AUH: variants seen among roughly 807,000 people sequenced by gnomAD.
AUH encodes AU RNA binding methylglutaconyl-CoA hydratase, also known as methylglutaconyl-CoA hydratase, mitochondrial.
Under a neutral mutation model 42.3 loss-of-function variants are expected in AUH, and 29 were observed. The ratio of observed to expected loss-of-function variants is 0.69; its 90% CI spans 0.51 to 0.93. AUH has a LOEUF of 0.93. AUH is among the 40% of genes least tolerant of loss of function. The probability of loss-of-function intolerance (pLI) is 0.00; values close to 1 mark genes in which losing one functional copy is unlikely to be tolerated. For synonymous variants in AUH, 174 were observed against 166.4 expected (o/e 1.05, Z -0.35); for missense variants, 452 against 438.1 (o/e 1.03, Z -0.28).
At chr9:91,264,417 A>G (rs1829861129) in intron 6 of AUH, among the ~76,000 whole-genome samples, 1 of 152,122 alleles carries the variant, frequency 6.6e-6, no homozygotes, top group Non-Finnish European at 1.5e-5. Context: ...CAAGTTGTCA[A>G]CCATTGTTTT....
chr9:91,262,653 C>A (rs1829762746), intron 6 of AUH, among the ~76,000 whole-genome samples: 1 of 152,144 alleles, frequency 6.6e-6, no homozygotes, highest in Non-Finnish European at 1.5e-5. Flanking sequence ...ACTGACACAT[C>A]CATTACGGTA....
intron 6 of AUH, among the ~76,000 whole-genome samples, chr9:91,224,218 T>C (rs537679467): frequency 4.1e-4 from 62 of 152,322 alleles, no homozygotes; most frequent in African/African-American, 1.4e-3. Flanking sequence ...GCTGAGCGCC[T>C]AAGTTTTCAT....
intron 4 of AUH, among the ~76,000 whole-genome samples, chr9:91,305,634 C>T (rs150501563): frequency 7.3e-4 from 111 of 152,188 alleles, no homozygotes; most frequent in African/African-American, 1.9e-3. Context: ...TCTATATATA[C>T]GCTTATGTAT....
chr9:91,224,946 T>C (rs567295296), intron 6 of AUH, among the ~76,000 whole-genome samples: 22 of 152,330 alleles, frequency 1.4e-4, no homozygotes, highest in African/African-American at 4.6e-4. Flanking sequence ...CAAAGAACTT[T>C]ACAAATGGAA....
chr9:91,342,368 C>T (rs1250014164), intron 3 of AUH, among the ~76,000 whole-genome samples: 4 of 152,116 alleles, frequency 2.6e-5, no homozygotes, highest in East Asian at 1.9e-4. Context: ...ATCTCCCCAT[C>T]GTAAGATCTT....
At chr9:91,256,087 T>C (rs1033965776) in intron 6 of AUH, among the ~76,000 whole-genome samples, 10 of 152,302 alleles carry the variant, frequency 6.6e-5, no homozygotes, top group African/African-American at 2.2e-4. Context: ...TTGTAATATA[T>C]GGAAGTACTT....
In AUH at chr9:91,355,983, A is replaced by G. The variant is rs1289519729; in HGVS notation, c.331-13T>C. The stretch of plus-strand genomic sequence containing the variant: ...CAGCTTTTGATAGCTAAACAGAAAT[A>G]GGAAGCATAGGAGGAAAAAGAGAAA... On this transcript the variant is annotated splice_polypyrimidine_tract_variant and intron_variant, in intron 2 of 9. Transcript: ENST00000375731. 1 of 1,607,074 alleles carries G rather than the reference A, an allele frequency of 6.2e-7. No individual in the cohort carries two copies. The highest frequency in any genetic ancestry group is 8.5e-7 in the Non-Finnish European group (1 of 1,174,038).
intron 6 of AUH, among the ~76,000 whole-genome samples, chr9:91,275,122 T>C (rs1825439441): frequency 6.6e-6 from 1 of 152,214 alleles, no homozygotes; most frequent in Non-Finnish European, 1.5e-5. Context: ...CTTCTACATG[T>C]ATTCATTCCT....
At chr9:91,245,323 T>G (rs1828736056) in intron 6 of AUH, among the ~76,000 whole-genome samples, 1 of 152,152 alleles carries the variant, frequency 6.6e-6, no homozygotes, top group African/African-American at 2.4e-5. Flanking sequence ...CCTCTTCCCA[T>G]GAGAAGACAA....
At chr9:91,278,247 C>G (rs570592822) in intron 6 of AUH, among the ~76,000 whole-genome samples, 22 of 152,216 alleles carry the variant, frequency 1.4e-4, no homozygotes, top group African/African-American at 4.6e-4. Context: ...GAAAAAATAA[C>G]GGGGAAAGCA....
intron 3 of AUH, among the ~76,000 whole-genome samples, chr9:91,332,827 G>C (rs1233382472): frequency 6.6e-6 from 1 of 152,170 alleles, no homozygotes; most frequent in Non-Finnish European, 1.5e-5. Flanking sequence ...ACAAAAAATG[G>C]GGGCGTGAGC....
At chr9:91,303,504 G>T (rs1827971227) in intron 4 of AUH, among the ~76,000 whole-genome samples, 1 of 152,104 alleles carries the variant, frequency 6.6e-6, no homozygotes, top group Non-Finnish European at 1.5e-5. Flanking sequence ...CTAATTTTTT[G>T]TGTTTTTAGT....
chr9:91,315,019 G>C (rs1452465813), intron 4 of AUH, among the ~76,000 whole-genome samples: 1 of 152,200 alleles, frequency 6.6e-6, no homozygotes, highest in Non-Finnish European at 1.5e-5. Context: ...CGCCTCCCAG[G>C]TTCAAACGAT....
rs1828653598 is a variant in AUH, at chr9:91,243,928, T to G, written c.656-22936A>C. On this transcript the variant is annotated intron_variant, in intron 6 of 9. Transcript: ENST00000375731. Reference sequence around the variant, plus strand: ...TAGAAGATTTTGTTATTTAACGAACTAGTCAACAACTGTTTCATATTAAGA... The same window carrying G: ...TAGAAGATTTTGTTATTTAACGAACGAGTCAACAACTGTTTCATATTAAGA... Among the ~76,000 whole-genome samples, 3 of 152,220 alleles carry G rather than the reference T, an allele frequency of 2.0e-5. No individual in the cohort carries two copies. In the South Asian group the frequency reaches 6.2e-4, roughly 32 times the overall value.
rs138063182 is a variant in AUH, at chr9:91,358,999, T to A, written c.262+2629A>T. Among the ~76,000 whole-genome samples, 42 of 152,286 alleles carry A rather than the reference T, an allele frequency of 2.8e-4. No homozygotes were observed. In the East Asian group the frequency reaches 6.8e-3, roughly 25 times the overall value. ...TTCTCAAGAACTCAATTATCATGCA[T>A]CCTCCTCACATAACCTAGAAAGTTT... On this transcript the variant is annotated intron_variant, in intron 1 of 9. Coordinates refer to ENST00000375731, the MANE Select transcript of AUH (RefSeq NM_001698.3).
chr9:91,313,388 G>A (rs2131777060), intron 4 of AUH, among the ~76,000 whole-genome samples: 1 of 152,264 alleles, frequency 6.6e-6, no homozygotes, highest in Non-Finnish European at 1.5e-5. Flanking sequence ...ACAAAAATAA[G>A]CCTAGAAGCT....
At chr9:91,309,634 G>A (rs1828544137) in intron 4 of AUH, among the ~76,000 whole-genome samples, 1 of 152,108 alleles carries the variant, frequency 6.6e-6, no homozygotes, top group Admixed American at 6.5e-5. Context: ...CATAAAGATG[G>A]AAATAACAGA....
intron 6 of AUH, among the ~76,000 whole-genome samples, chr9:91,233,936 T>C (rs1288863457): frequency 1.3e-5 from 2 of 152,188 alleles, no homozygotes; most frequent in Non-Finnish European, 2.9e-5. Context: ...GTGATTCCAT[T>C]TTGATTCCTC....
chr9:91,330,654 G>C (rs1446359600), intron 3 of AUH, among the ~76,000 whole-genome samples: 1 of 152,152 alleles, frequency 6.6e-6, no homozygotes, highest in Non-Finnish European at 1.5e-5. Flanking sequence ...AGCACTATTA[G>C]AAACAGCTAA....
Sources: gnomAD v4.1 joint callset for allele counts (sites outside exome capture counted in the v4.1 genomes callset) on GRCh38, gnomAD v4.1.1 for gene constraint, MANE v1.5 for transcripts, NCBI Gene and HGNC (gene_info 2026-07-23, HGNC 2026-07-21) for gene names.